DHX57: variants seen among roughly 807,000 people sequenced by gnomAD.
DHX57 encodes putative ATP-dependent RNA helicase DHX57.
A neutral mutation model predicts 156.2 loss-of-function variants in DHX57; 105 were observed. The ratio of observed to expected loss-of-function variants is 0.67; its 90% CI spans 0.57 to 0.79. DHX57 has a LOEUF of 0.79. Among genes scored for constraint, DHX57 ranks in the 30% least tolerant of loss-of-function variants. The pLI is 0.00. For missense variants in DHX57, 1,847 were observed against 1,661.9 expected, an observed-to-expected ratio of 1.11 and a Z score of -1.94; for synonymous variants, 704 against 595.6, an observed-to-expected ratio of 1.18 and a Z score of -2.65.
intron 4 of DHX57, 108 bp downstream of exon 4, chr2:38,862,037 T>C (rs1673254717): frequency 7.5e-7 from 1 of 1,331,166 alleles, no homozygotes. Flanking sequence ...TATCAGGCAT[T>C]GCTGGAACCC....
At chr2:38,810,632 C>T (rs1172342926) in intron 21 of DHX57, 1 of 652,604 alleles carries the variant, frequency 1.5e-6, no homozygotes, top group African/African-American at 1.8e-5. Flanking sequence ...GATACCTGCA[C>T]TTTCCCTTCC....
intron 15 of DHX57, 96 bp from the exon 16 acceptor site, chr2:38,826,143 T>C (rs947536079): frequency 3.2e-6 from 4 of 1,266,986 alleles, no homozygotes; most frequent in Non-Finnish European, 4.4e-6. Flanking sequence ...CTTCCTCCTG[T>C]AGAGGGACAC....
chr2:38,821,827 G>C lies in DHX57; in HGVS notation c.3291+1166C>G, dbSNP rs77629660. On this transcript the variant is annotated intron_variant, in intron 17 of 23. Coordinates refer to ENST00000457308, the MANE Select transcript of DHX57 (RefSeq NM_198963.3). ...ATCAGAAAAAGGGACATTATTACTA[G>C]CCTTACAGAAATAAAAAGGATTATA... Among the ~76,000 whole-genome samples, 142 of 152,132 alleles carry C rather than the reference G, an allele frequency of 9.3e-4. 1 individual carries two copies. Among genetic ancestry groups the C allele is most frequent in the Admixed American group, 6.7e-3 (102 of 15,268 alleles).
chr2:38,837,102 G>A (rs1365318416), intron 13 of DHX57, among the ~76,000 whole-genome samples: 4 of 152,034 alleles, frequency 2.6e-5, no homozygotes, highest in African/African-American at 9.7e-5. Context: ...ACCTTCCTTG[G>A]CCTCTCAAAG....
Position 38,860,983 on chromosome 2 carries a change from T to C in DHX57, c.1411+16A>G, listed in dbSNP as rs1467534317. Reference sequence around the variant, plus strand: ...ATTCTGAATGCCTCCCTCCACAAGATCAATGCCTTACATACCTTCTGGAAT... The same window carrying C: ...ATTCTGAATGCCTCCCTCCACAAGACCAATGCCTTACATACCTTCTGGAAT... On this transcript the variant is annotated intron_variant, in intron 5 of 23. Transcript: ENST00000457308. 1.4e-5 allele frequency: 22 copies of C among 1,602,598 alleles called. No individual in the cohort carries two copies. Among genetic ancestry groups the C allele is most frequent in the Non-Finnish European group, 1.9e-5 (22 of 1,172,480 alleles).
At chr2:38,874,975 G>C (rs920783574) in intron 1 of DHX57, among the ~76,000 whole-genome samples, 2 of 152,254 alleles carry the variant, frequency 1.3e-5, no homozygotes, top group South Asian at 4.1e-4. Context: ...TGCAGCCCAG[G>C]TAAATTTGTG....
chr2:38,856,592 T>G, intron 6 of DHX57, 131 bp from the exon 7 acceptor site: 2 of 1,198,896 alleles, frequency 1.7e-6, no homozygotes, highest in Non-Finnish European at 1.1e-6. Flanking sequence ...CAATCTGCAC[T>G]TCCCAGGCTC....
At chr2:38,818,505 G>T (rs1670657278) in intron 19 of DHX57, among the ~76,000 whole-genome samples, 2 of 152,168 alleles carry the variant, frequency 1.3e-5, no homozygotes, top group Non-Finnish European at 2.9e-5. Context: ...TCCAGCCTGG[G>T]AGACAGAATG....
At chr2:38,871,183 C>A (rs142857010) in intron 1 of DHX57, among the ~76,000 whole-genome samples, 1 of 152,074 alleles carries the variant, frequency 6.6e-6, no homozygotes, top group Non-Finnish European at 1.5e-5. Context: ...AAAACCAGTA[C>A]AAAAGTATTG....
At position 38,856,503 on chromosome 2, in the gene DHX57, CTTTTTTTT is replaced by C. The variant is rs372510406; in HGVS notation, c.1588-50_1588-43del. 35 of 1,392,162 alleles carry C rather than the reference CTTTTTTTT, an allele frequency of 2.5e-5. No homozygotes were observed. The East Asian group carries it at 7.3e-4, about 29-fold the overall frequency. 86.2% of individuals were successfully genotyped at this position (1,392,162 alleles called of 1,614,324 possible). On this transcript the variant is annotated intron_variant, in intron 6 of 23. Transcript: ENST00000457308. ...TAAGATATCAGTTGGGTTACTTTTT[CTTTTTTTT>C]TTTTTTTTTTTGAGACAGGGTCTCA...
At chr2:38,868,105 T>C (rs144989284) in intron 2 of DHX57, 77 bp downstream of exon 2, 133 of 1,544,578 alleles carry the variant, frequency 8.6e-5, no homozygotes, top group Non-Finnish European at 1.1e-4. Flanking sequence ...TTTTTTTCCA[T>C]TCTCAGCCAT....
At chr2:38,867,690 C>G (rs3112167) in intron 2 of DHX57, among the ~76,000 whole-genome samples, 16,655 of 152,164 alleles carry the variant, frequency 0.11, 1,199 homozygotes, top group South Asian at 0.15. Flanking sequence ...TCCCTAGTAC[C>G]TGGGATTACA....
At chr2:38,827,263 A>T (rs1671133825) in intron 14 of DHX57, among the ~76,000 whole-genome samples, 1 of 151,798 alleles carries the variant, frequency 6.6e-6, no homozygotes, top group Non-Finnish European at 1.5e-5. Context: ...TTCAGTAGTA[A>T]ATAATGAAGA....
chr2:38,840,189 C>T (rs1671908631), intron 12 of DHX57, among the ~76,000 whole-genome samples: 1 of 152,058 alleles, frequency 6.6e-6, no homozygotes, highest in African/African-American at 2.4e-5. Context: ...AAGCAATCCT[C>T]TGGCCTCAGC....
chr2:38,803,691 G>A (rs1438192318), intron 22 of DHX57, among the ~76,000 whole-genome samples: 1 of 151,206 alleles, frequency 6.6e-6, no homozygotes, highest in Admixed American at 6.6e-5. Context: ...ATTTCATCAT[G>A]CTGGCCAGGC....
Position 38,806,522 on chromosome 2 carries a change from C to T in DHX57, c.3816+37G>A, listed in dbSNP as rs552786919. On this transcript the variant is annotated intron_variant, in intron 22 of 23. Coordinates refer to ENST00000457308, the MANE Select transcript of DHX57 (RefSeq NM_198963.3). Reference sequence around the variant, plus strand: ...AGGAATTGCATTTCCTACCCCAGGACGACCTGTAAACATTAAGTATACTCC... The same window carrying T: ...AGGAATTGCATTTCCTACCCCAGGATGACCTGTAAACATTAAGTATACTCC... 3.6e-5 allele frequency: 58 copies of T among 1,602,198 alleles called. No individual in the cohort carries two copies. In the African/African-American group the frequency reaches 4.0e-4, roughly 11 times the overall value.
intron 4 of DHX57, 67 bp downstream of exon 4, chr2:38,862,078 G>A: frequency 2.7e-6 from 4 of 1,498,752 alleles, no homozygotes; most frequent in Non-Finnish European, 3.6e-6. Context: ...AAGAGGGGTA[G>A]TGGGTTTATA....
At chr2:38,836,744 C>T (rs1671681653) in intron 13 of DHX57, among the ~76,000 whole-genome samples, 1 of 147,926 alleles carries the variant, frequency 6.8e-6, no homozygotes, top group African/African-American at 2.5e-5. Context: ...ACTGCACACT[C>T]CAGCCTGGGC....
chr2:38,798,534 T>C (rs1378299556), intron 23 of DHX57, 92 bp from the exon 24 acceptor site: 3 of 1,399,184 alleles, frequency 2.1e-6, no homozygotes, highest in Admixed American at 2.5e-5. Context: ...TACCATTATT[T>C]AGATTTCTGG....
Sources: allele counts gnomAD v4.1 joint callset (sites outside exome capture counted in the v4.1 genomes callset), GRCh38; gene constraint gnomAD v4.1.1; transcripts MANE v1.5; gene names NCBI Gene and HGNC (gene_info 2026-07-23, HGNC 2026-07-21).